RBM10: variants seen among roughly 807,000 people sequenced by gnomAD.
The protein encoded by RBM10 is RNA-binding protein 10.
RBM10 carries 1 observed loss-of-function variant against 84.9 expected under a neutral mutation model. That is an observed-to-expected ratio of 0.01 (90% CI 0.00 to 0.06). The LOEUF is 0.06. Among genes scored for constraint, RBM10 ranks in the 10% least tolerant of loss-of-function variants. The pLI is 1.00. For missense variants in RBM10, 438 were observed against 839.0 expected, an observed-to-expected ratio of 0.52 and a Z score of 5.90; for synonymous variants, 326 against 344.5, an observed-to-expected ratio of 0.95 and a Z score of 0.60.
At position 47,145,497 on chromosome X, in the gene RBM10, C is replaced by A; in HGVS notation, c.-126+12C>A. The A allele has an allele frequency of 8.7e-7, 1 of 1,151,563 alleles. No individual in the cohort carries two copies. Among genetic ancestry groups the A allele is most frequent in the Non-Finnish European group, 1.1e-6 (1 of 871,055 alleles). 94.9% of individuals were successfully genotyped at this position (1,151,563 alleles called of 1,213,427 possible). A position where few individuals can be genotyped will look rare whatever the true frequency, so the allele number is the denominator to read the frequency against. ...CCCGGGCCGAGAAGGTGAGCGTCGA[C>A]GCTGGTCGTGGGGGCGGAGGTAAGG... On this transcript the variant is annotated intron_variant, in intron 1 of 23. Coordinates refer to ENST00000377604, the MANE Select transcript of RBM10 (RefSeq NM_005676.5).
rs781906200 is a variant in RBM10 at position 47,147,449 on chromosome X, G to T, written c.-33G>T. 3 of 1,211,254 alleles carry T rather than the reference G, an allele frequency of 2.5e-6. No individual in the cohort carries two copies. In the East Asian group the frequency reaches 8.9e-5, roughly 36 times the overall value. ...GAAACGGAGCCAGCGGCTGAGGAGGGGCCCCAGCAGCCCCCGAAGGCCCTA... is the reference window on the plus strand; with the variant it reads ...GAAACGGAGCCAGCGGCTGAGGAGGTGCCCCAGCAGCCCCCGAAGGCCCTA... On this transcript the variant is annotated 5_prime_UTR_variant, in exon 2 of 24. Transcript: ENST00000377604.
chrX:47,147,289 A>G (rs1244603309), intron 1 of RBM10, 68 bp from the exon 2 acceptor site: 1 of 1,036,658 alleles, frequency 9.6e-7, no homozygotes, highest in Non-Finnish European at 1.3e-6. Flanking sequence ...CTTGACAATA[A>G]GAGTTTCTCA....
At chrX:47,152,556 C>T (rs1556763951) in intron 2 of RBM10, among the ~76,000 whole-genome samples, 1 of 101,390 alleles carries the variant, frequency 9.9e-6, no homozygotes, top group Non-Finnish European at 2.0e-5. Flanking sequence ...AAGCAATTCT[C>T]CTGCCTCAGC....
chrX:47,165,544 C>T (rs375517806), intron 2 of RBM10, among the ~76,000 whole-genome samples: 3 of 106,195 alleles, frequency 2.8e-5, no homozygotes, highest in East Asian at 2.9e-4. Context: ...AGAGGCTGGG[C>T]GCGGTGGCTC....
rs538880998 is a variant in RBM10, at chrX:47,186,377, C to T, written c.2657C>T (p.Thr886Met). The change falls in exon 23 of 24, where the codon ACG becomes ATG. Residue 886 changes from threonine to methionine, a missense_variant. Transcript: ENST00000377604. ...GLGRKKQGIV[T>M]PIEAQTRVRG... ...GGCCGCAAGAAGCAGGGCATTGTAACGCCTATCGAGGTGAGTCTCAGGCAG... is the reference window on the plus strand; with the variant it reads ...GGCCGCAAGAAGCAGGGCATTGTAATGCCTATCGAGGTGAGTCTCAGGCAG... 1.3e-5 allele frequency: 16 copies of T among 1,194,797 alleles called. No individual in the cohort carries two copies. In the South Asian group the frequency reaches 2.7e-4, roughly 20 times the overall value.
intron 2 of RBM10, among the ~76,000 whole-genome samples, chrX:47,167,962 T>C (rs997454449): frequency 1.8e-5 from 2 of 112,365 alleles, no homozygotes; most frequent in Admixed American, 9.5e-5. Flanking sequence ...CCCTGTTTAA[T>C]TGCTTTAGCT....
chrX:47,151,355 T>C (rs1235482599), intron 2 of RBM10, among the ~76,000 whole-genome samples: 1 of 112,018 alleles, frequency 8.9e-6, no homozygotes, highest in Non-Finnish European at 1.9e-5. Context: ...TGGTATTTGC[T>C]GGGGTAGAGG....
rs963216438 is a variant in RBM10, at chrX:47,179,547, C to T, written c.901+52C>T. 1.2e-5 allele frequency: 14 copies of T among 1,129,762 alleles called. No homozygotes were observed. The African/African-American group carries it at 1.6e-4, about 13-fold the overall frequency. 93.1% of individuals were successfully genotyped at this position (1,129,762 alleles called of 1,213,427 possible). On this transcript the variant is annotated intron_variant, in intron 9 of 23. Coordinates refer to ENST00000377604, the MANE Select transcript of RBM10 (RefSeq NM_005676.5). ...GTGCCCTAGGGTGTCGGGCTGGGCT[C>T]ACCAAGACCAGAGAAATGGCAGTGA...
Position 47,170,961 on chromosome X carries a change from G to A in RBM10, c.202-67G>A, listed in dbSNP as rs782110859. 2.1e-5 allele frequency: 23 copies of A among 1,101,744 alleles called. No individual in the cohort carries two copies. The East Asian group carries it at 6.4e-4, about 31-fold the overall frequency. 90.8% of individuals were successfully genotyped at this position (1,101,744 alleles called of 1,213,427 possible). A position where few individuals can be genotyped will look rare whatever the true frequency, so the allele number is the denominator to read the frequency against. On this transcript the variant is annotated intron_variant, in intron 3 of 23. Transcript: ENST00000377604. ...AGCCTGCCTGCCTCACAGAGCCAGCGGCCAGCTCCTAGGCCTGCCCAGACT... is the reference window on the plus strand; with the variant it reads ...AGCCTGCCTGCCTCACAGAGCCAGCAGCCAGCTCCTAGGCCTGCCCAGACT...
At chrX:47,178,946 GAAC>G (rs1446550746) in intron 7 of RBM10, among the ~76,000 whole-genome samples, 154 bp from the exon 8 acceptor site, 1 of 111,930 alleles carries the variant, frequency 8.9e-6, no homozygotes, top group Non-Finnish European at 1.9e-5. Context: ...ACAGTACTGA[GAAC>G]AACATCAGAA....
chrX:47,186,469 C>A lies in RBM10; in HGVS notation c.2668-5C>A, dbSNP rs782694182. 2.5e-6 allele frequency: 3 copies of A among 1,206,622 alleles called. No individual in the cohort carries two copies. Among genetic ancestry groups the A allele is most frequent in the East Asian group, 6.0e-5 (2 of 33,591 alleles). ...AGCCTGACAGAGCCTGCCTCCCTCACACAGGCCCAAACACGGGTGCGGGGC... is the reference window on the plus strand; with the variant it reads ...AGCCTGACAGAGCCTGCCTCCCTCAAACAGGCCCAAACACGGGTGCGGGGC... On this transcript the variant is annotated splice_region_variant and splice_polypyrimidine_tract_variant and intron_variant, in intron 23 of 23. Transcript: ENST00000377604.
intron 1 of RBM10, 122 bp downstream of exon 1, chrX:47,145,607 CT>C: frequency 6.5e-6 from 2 of 305,442 alleles, no homozygotes; most frequent in Non-Finnish European, 9.8e-6. Flanking sequence ...GGTGCAATGT[CT>C]CAACCCGGGA....
chrX:47,186,219 CG>C, intron 22 of RBM10, 38 bp from the exon 23 acceptor site: 1 of 1,209,402 alleles, frequency 8.3e-7, no homozygotes, highest in Non-Finnish European at 1.1e-6. Context: ...GGGCCGGGGC[CG>C]GCAGGCCGAC....
chrX:47,154,690 A>T (rs1391024223), intron 2 of RBM10, among the ~76,000 whole-genome samples: 1 of 109,379 alleles, frequency 9.1e-6, no homozygotes, highest in African/African-American at 3.3e-5. Flanking sequence ...ACCTCAGGTG[A>T]TCCACTCGCT....
At chrX:47,151,672 A>G (rs782330568) in intron 2 of RBM10, among the ~76,000 whole-genome samples, 1 of 112,013 alleles carries the variant, frequency 8.9e-6, no homozygotes, top group South Asian at 3.7e-4. Flanking sequence ...CAGAAGAGCA[A>G]TTAATCTAGG....
intron 3 of RBM10, 142 bp from the exon 4 acceptor site, chrX:47,170,886 C>T: frequency 1.6e-6 from 1 of 609,402 alleles, no homozygotes; most frequent in African/African-American, 2.2e-5. Context: ...GGCCTGCCCA[C>T]CCTGCCTGCC....
At chrX:47,153,739 G>T (rs868952126) in intron 2 of RBM10, among the ~76,000 whole-genome samples, 6 of 111,608 alleles carry the variant, frequency 5.4e-5, no homozygotes, top group African/African-American at 2.0e-4. Flanking sequence ...CTTTATTGGA[G>T]AAACTTGTAT....
At chrX:47,148,685 CCTT>C (rs1932509717) in intron 2 of RBM10, among the ~76,000 whole-genome samples, 2 of 23,936 alleles carry the variant, frequency 8.4e-5, no homozygotes, top group Admixed American at 5.7e-4. Context: ...GAAAATGTAT[CCTT>C]CTATGATACA....
At chrX:47,184,095 T>G (rs1157463856) in intron 17 of RBM10, among the ~76,000 whole-genome samples, 2 of 112,197 alleles carry the variant, frequency 1.8e-5, no homozygotes, top group Non-Finnish European at 3.8e-5. Context: ...TAATCACCTC[T>G]GAAAGGCCCT....
Sources: allele counts gnomAD v4.1 joint callset (sites outside exome capture counted in the v4.1 genomes callset), GRCh38; gene constraint gnomAD v4.1.1; transcripts MANE v1.5; gene names NCBI Gene and HGNC (gene_info 2026-07-23, HGNC 2026-07-21).